Variants in PKHD1L1 observed in about 807,000 individuals in gnomAD.
PKHD1L1 encodes fibrocystin-L.
PKHD1L1 carries 434 observed loss-of-function variants against 462.9 expected under a neutral mutation model. The observed-to-expected ratio is 0.94, with a 90% CI of 0.87 to 1.02. The LOEUF is 1.02. Among genes scored for constraint, PKHD1L1 ranks in the 50% least tolerant of loss-of-function variants. The pLI is 0.00. For synonymous variants in PKHD1L1, 1,781 were observed against 1,750.0 expected, an observed-to-expected ratio of 1.02 and a Z score of -0.44; for missense variants, 5,202 against 5,096.1, an observed-to-expected ratio of 1.02 and a Z score of -0.63.
rs372148502 is a variant in PKHD1L1 at position 109,443,769 on chromosome 8, C to T, written c.4658C>T (p.Ser1553Leu). 5 of 1,613,660 alleles carry T rather than the reference C, an allele frequency of 3.1e-6. No homozygotes were observed. In the South Asian group the frequency reaches 5.5e-5, roughly 18 times the overall value. The change falls in exon 37 of 78, where the codon TCA becomes TTA. Residue 1553 changes from serine (S) to leucine (L), a missense_variant. Ser to Leu is a moderately radical substitution (Grantham distance 145). Coordinates refer to ENST00000378402, the MANE Select transcript of PKHD1L1 (RefSeq NM_177531.6). ...CSLNNTRVKN[S>L]KRLLFEVSSC... ...CTGAACAATACCAGGGTTAAAAATT[C>T]AAAAAGATTGCTATTTGAGGTTTCA...
At position 109,400,178 on chromosome 8, in the gene PKHD1L1, G is replaced by A. The variant is rs541138987; in HGVS notation, c.1115G>A (p.Ser372Asn). 9 of 1,613,750 alleles carry A rather than the reference G, an allele frequency of 5.6e-6. No homozygotes were observed. Among genetic ancestry groups the A allele is most frequent in the Non-Finnish European group, 6.8e-6 (8 of 1,179,720 alleles). ...NEKTPGYMGA[S>N]WVDSASYIWL... ...AAAACGCCTGGGTACATGGGTGCCA[G>A]TTGGGTAGATTCAGCTTCCTATATT... The change falls in exon 13 of 78, where the codon AGT becomes AAT. Residue 372 changes from serine to asparagine, a missense_variant. Ser to Asn is a conservative substitution (Grantham distance 46). Transcript: ENST00000378402.
Position 109,477,487 on chromosome 8 carries a change from C to CAATG in PKHD1L1, c.9089+91_9089+92insAATG, listed in dbSNP as rs1165079790. ...TCCTGGGTGAAATAATAATGCTTTA[C>CAATG]TCTTGCACAATGTCTTGTAGGTTAC... On this transcript the variant is annotated intron_variant, in intron 53 of 77. Transcript: ENST00000378402. The CAATG allele has an allele frequency of 2.4e-4, 290 of 1,203,954 alleles. 1 individual carries two copies. In the African/African-American group the frequency reaches 4.3e-3, roughly 18 times the overall value. The allele number at this position is 1,203,954 out of a possible 1,614,324, so 74.6% of individuals were successfully genotyped here.
At position 109,497,025 on chromosome 8, in the gene PKHD1L1, A is replaced by G; in HGVS notation, c.10434A>G (p.Gly3478=). The G allele has an allele frequency of 6.2e-7, 1 of 1,613,686 alleles. No homozygotes were observed. The highest frequency in any genetic ancestry group is 1.3e-5 in the African/African-American group (1 of 75,032). The change falls in exon 64 of 78, where the codon GGA becomes GGG. Residue 3478 remains glycine, a synonymous_variant. Transcript: ENST00000378402. ...DGLPGCSLIQ[G]FTIWTCWDYG... is the part of the protein sequence containing the mutation. Reference sequence around the variant, plus strand: ...TTCCTGGATGTTCTCTTATACAAGGATTTACCATTTGGACATGCTGGGATT... The same window carrying G: ...TTCCTGGATGTTCTCTTATACAAGGGTTTACCATTTGGACATGCTGGGATT...
At chr8:109,465,653 A>T (rs1817400125) in intron 49 of PKHD1L1, among the ~76,000 whole-genome samples, 1 of 152,216 alleles carries the variant, frequency 6.6e-6, no homozygotes, top group African/African-American at 2.4e-5. Flanking sequence ...CCAGAAACAT[A>T]TAAATTGCAG....
At chr8:109,404,524 G>C (rs376271862) in intron 14 of PKHD1L1, 30 bp from the exon 15 acceptor site, 3 of 1,382,002 alleles carry the variant, frequency 2.2e-6, no homozygotes, top group Non-Finnish European at 2.9e-6. Context: ...CTGGAAAAAA[G>C]TTATATTCAT....
At chr8:109,417,758 G>A (rs1455158359) in intron 21 of PKHD1L1, among the ~76,000 whole-genome samples, 1 of 152,052 alleles carries the variant, frequency 6.6e-6, no homozygotes, top group Non-Finnish European at 1.5e-5. Context: ...CACCATATTG[G>A]TCAGGCTGGT....
At position 109,444,752 on chromosome 8, in the gene PKHD1L1, G is replaced by A; in HGVS notation, c.4883G>A (p.Gly1628Asp). ...GACCCTCAAAACTCAATGGATGTTG[G>A]TATCAGGGAAACTGTCACTTTGACT... is the stretch of plus-strand genomic sequence containing the variant. Reference protein sequence around the residue: ...HIDPQNSMDVGIRETVTLTVY... With the variant: ...HIDPQNSMDVDIRETVTLTVY... Residue 1628 changes from glycine to aspartate, a missense_variant, in exon 38 of 78, where the codon GGT becomes GAT. Transcript: ENST00000378402. The A allele has an allele frequency of 8.1e-6, 13 of 1,613,946 alleles. No homozygotes were observed. Among genetic ancestry groups the A allele is most frequent in the Non-Finnish European group, 1.1e-5 (13 of 1,179,856 alleles).
In PKHD1L1 at chr8:109,435,203, G is replaced by A; in HGVS notation, c.3354G>A (p.Lys1118=). The A allele has an allele frequency of 6.2e-7, 1 of 1,613,250 alleles. No individual in the cohort carries two copies. The highest frequency in any genetic ancestry group is 8.5e-7 in the Non-Finnish European group (1 of 1,179,580). ...SLLSVDEKEL[K]CQILNGSAGH... ...TTTTTTCACAAGAAAAAGAGCTCAA[G>A]TGCCAGATTCTGAATGGAAGTGCTG... The change falls in exon 29 of 78, where the codon AAG becomes AAA. Residue 1118 remains lysine, a synonymous_variant. Coordinates refer to ENST00000378402, the MANE Select transcript of PKHD1L1 (RefSeq NM_177531.6).
In PKHD1L1 at chr8:109,435,309, C is replaced by A; in HGVS notation, c.3460C>A (p.Gln1154Lys). The A allele has an allele frequency of 6.2e-7, 1 of 1,613,694 alleles. No homozygotes were observed. The highest frequency in any genetic ancestry group is 1.1e-5 in the South Asian group (1 of 91,044). Reference sequence around the variant, plus strand: ...GGGTGAAGAGTTCTACTTTGTTTATCAGAGTCAGATCTCACATATCTGGCC... The same window carrying A: ...GGGTGAAGAGTTCTACTTTGTTTATAAGAGTCAGATCTCACATATCTGGCC... ...VGGEEFYFVY[Q>K]SQISHIWPDS... Residue 1154 changes from glutamine to lysine, a missense_variant, in exon 29 of 78, where the codon CAG (glutamine) becomes AAG (lysine). This residue lies in a region of PKHD1L1 where 4,497 missense variants were observed against 4,336.8 expected (regional missense o/e 1.04). Transcript: ENST00000378402.
Position 109,364,646 on chromosome 8 carries a change from C to CTTTTTTTTTTTTTTTTTT in PKHD1L1, c.163+11_163+28dup, listed in dbSNP as rs60902563. 2.3e-6 allele frequency: 2 copies of CTTTTTTTTTTTTTTTTTT among 862,432 alleles called. 1 individual carries two copies. Among genetic ancestry groups the CTTTTTTTTTTTTTTTTTT allele is most frequent in the African/African-American group, 4.4e-5 (2 of 45,396 alleles). 53.4% of individuals were successfully genotyped at this position (862,432 alleles called of 1,614,324 possible). A position where few individuals can be genotyped will look rare whatever the true frequency, so the allele number is the denominator to read the frequency against. ...ACTATAAGAGGGGAAGGTATCGTTG[C>CTTTTTTTTTTTTTTTTTT]TTTTTTTTTTTTTTTTTTGCCAAGG... On this transcript the variant is annotated intron_variant, in intron 2 of 77. Transcript: ENST00000378402.
chr8:109,475,363 G>C (rs755022953), intron 51 of PKHD1L1, 94 bp downstream of exon 51: 2 of 1,042,708 alleles, frequency 1.9e-6, no homozygotes, highest in Non-Finnish European at 2.6e-6. Context: ...CAGGCCAGAG[G>C]GACTTTCATC....
At chr8:109,418,180 T>A (rs1814281120) in intron 21 of PKHD1L1, among the ~76,000 whole-genome samples, 1 of 152,324 alleles carries the variant, frequency 6.6e-6, no homozygotes, top group Admixed American at 6.5e-5. Context: ...TTGTGGTTTT[T>A]AAAATTTTAG....
chr8:109,416,013 C>G (rs574206721), intron 21 of PKHD1L1, among the ~76,000 whole-genome samples: 32 of 152,010 alleles, frequency 2.1e-4, no homozygotes, highest in Middle Eastern at 6.8e-3. Flanking sequence ...TCTTCAAATA[C>G]TCTGATCAAT....
chr8:109,445,328 G>A lies in PKHD1L1; in HGVS notation c.5459G>A (p.Gly1820Asp), dbSNP rs772181606. ...GTTAGTGTTGTGGTGGGAAGTAAAGGCTTGGCTCTGGGAAACCTGACTGTC... is the reference window on the plus strand; with the variant it reads ...GTTAGTGTTGTGGTGGGAAGTAAAGACTTGGCTCTGGGAAACCTGACTGTC... ...HSVSVVVGSK[G>D]LALGNLTVSS... Residue 1820 changes from glycine (G) to aspartate (D), a missense_variant, in exon 38 of 78, where the codon GGC becomes GAC. Gly to Asp is a moderately conservative substitution (Grantham distance 94). Transcript: ENST00000378402. 1.9e-6 allele frequency: 3 copies of A among 1,613,798 alleles called. No homozygotes were observed. Among genetic ancestry groups the A allele is most frequent in the Non-Finnish European group, 1.7e-6 (2 of 1,179,886 alleles).
chr8:109,508,410 C>T (rs1819808569), intron 70 of PKHD1L1, 146 bp downstream of exon 70: 1 of 787,962 alleles, frequency 1.3e-6, no homozygotes, highest in Non-Finnish European at 2.0e-6. Flanking sequence ...GAGCAATGCG[C>T]AGGGGAGAGA....
intron 29 of PKHD1L1, 47 bp from the exon 30 acceptor site, chr8:109,436,291 A>G: frequency 1.3e-6 from 2 of 1,554,186 alleles, no homozygotes; most frequent in Non-Finnish European, 1.7e-6. Flanking sequence ...TCTTTTTGTT[A>G]TAGTTGAACT....
chr8:109,516,479 A>G (rs1005127099), intron 72 of PKHD1L1, among the ~76,000 whole-genome samples: 7 of 151,982 alleles, frequency 4.6e-5, no homozygotes, highest in Non-Finnish European at 8.8e-5. Flanking sequence ...AATCTCATCT[A>G]AACCCTATTT....
At position 109,425,141 on chromosome 8, in the gene PKHD1L1, C is replaced by A. The variant is rs373261768; in HGVS notation, c.2754C>A (p.Gly918=). The change falls in exon 24 of 78, where the codon GGC becomes GGA. Residue 918 remains glycine, a synonymous_variant. Coordinates refer to ENST00000378402, the MANE Select transcript of PKHD1L1 (RefSeq NM_177531.6). ...EFVYRGNNWP[G]ESKIHIQRIQ... is the part of the protein sequence containing the mutation. Reference sequence around the variant, plus strand: ...TCTACAGAGGAAATAATTGGCCAGGCGAGTCAAAAATTCATATTCAAAGAA... The same window carrying A: ...TCTACAGAGGAAATAATTGGCCAGGAGAGTCAAAAATTCATATTCAAAGAA... The A allele has an allele frequency of 3.7e-6, 6 of 1,607,076 alleles. No homozygotes were observed. Among genetic ancestry groups the A allele is most frequent in the South Asian group, 3.3e-5 (3 of 89,834 alleles).
chr8:109,459,666 G>C lies in PKHD1L1; in HGVS notation c.7076G>C (p.Ser2359Thr). The stretch of plus-strand genomic sequence containing the variant: ...GCTGATGGCATAAACATAACACTAA[G>C]TAACCCACTAAATTACACACACTTA... ...VSADGINITLSNPLNYTHLGI... is the reference protein window; with the variant it reads ...VSADGINITLTNPLNYTHLGI... Residue 2359 changes from serine (S) to threonine (T), a missense_variant, in exon 47 of 78, where the codon AGT becomes ACT. Ser to Thr is a moderately conservative substitution (Grantham distance 58, BLOSUM62 1). Around this residue, in one of 3 missense-constraint regions of PKHD1L1, gnomAD observed 4,497 missense variants for 4,336.8 expected, o/e 1.04. Transcript: ENST00000378402. 3 of 1,608,384 alleles carry C rather than the reference G, an allele frequency of 1.9e-6. No individual in the cohort carries two copies. The highest frequency in any genetic ancestry group is 2.5e-6 in the Non-Finnish European group (3 of 1,177,058).
Sources: gnomAD v4.1 joint callset for allele counts (sites outside exome capture counted in the v4.1 genomes callset) on GRCh38, gnomAD v4.1.1 for gene constraint, gnomAD v4.1.1 regional missense constraint, MANE v1.5 for transcripts, NCBI Gene and HGNC (gene_info 2026-07-23, HGNC 2026-07-21) for gene names.